BSN: variants seen among roughly 807,000 people sequenced by gnomAD.
BSN encodes protein bassoon.
BSN carries 57 observed loss-of-function variants against 264.8 expected under a neutral mutation model. The observed-to-expected ratio is 0.22, with a 90% CI of 0.17 to 0.27. The LOEUF (loss-of-function observed/expected upper bound fraction) is 0.27. Among genes scored for constraint, BSN ranks in the 10% least tolerant of loss-of-function variants. BSN has a pLI of 1.00. For missense variants in BSN, 4,615 were observed against 5,232.5 expected (o/e 0.88, Z 3.64); for synonymous variants, 2,059 against 2,137.3 (o/e 0.96, Z 1.01).
chr3:49,632,522 G>A (rs901288077), intron 2 of BSN, among the ~76,000 whole-genome samples: 2 of 152,154 alleles, frequency 1.3e-5, no homozygotes, highest in Admixed American at 6.5e-5. Context: ...TGGGCAAAGA[G>A]GCCAGGCGCA....
intron 2 of BSN, chr3:49,641,577 A>G (rs901194174): frequency 1.3e-5 from 2 of 152,218 alleles, no homozygotes; most frequent in African/African-American, 4.8e-5. Flanking sequence ...CTTAAGGGAA[A>G]AAAAAAGGCT....
rs1407751442 is a variant in BSN, at chr3:49,638,690, C to T, written c.634-3578C>T. ...GAGAAGTTCTATTTTAGGTGAGATG[C>T]CTGTGCCACAGCCTGGATGACAGGG... On this transcript the variant is annotated intron_variant, in intron 2 of 11. Coordinates refer to ENST00000296452, the MANE Select transcript of BSN (RefSeq NM_003458.4). This position sits in a 1 kb window ranked among gnomAD's most constrained non-coding sequence, Gnocchi z 4.3. Among the ~76,000 whole-genome samples the T allele has an allele frequency of 1.3e-5, 2 of 152,320 alleles. No homozygotes were observed. The highest frequency in any genetic ancestry group is 4.8e-5 in the African/African-American group (2 of 41,572).
intron 1 of BSN, among the ~76,000 whole-genome samples, chr3:49,561,086 T>C (rs2051708024): frequency 6.6e-6 from 1 of 152,164 alleles, no homozygotes; most frequent in African/African-American, 2.4e-5. Context: ...CCTACTTCTT[T>C]CTAACAAGAG....
At chr3:49,577,949 A>G (rs2051859300) in intron 1 of BSN, among the ~76,000 whole-genome samples, 1 of 152,186 alleles carries the variant, frequency 6.6e-6, no homozygotes, top group African/African-American at 2.4e-5. Flanking sequence ...TGCTACATAG[A>G]GTGAGCTGAG....
chr3:49,603,616 G>A (rs13100791), intron 1 of BSN, among the ~76,000 whole-genome samples: 6,677 of 152,290 alleles, frequency 0.044, 222 homozygotes, highest in Non-Finnish European at 0.06. Context: ...CTACCTCATG[G>A]TAGGAACAAG....
Position 49,652,639 on chromosome 3 carries a change from G to C in BSN, c.3083G>C (p.Arg1028Pro). 1 of 1,609,070 alleles carries C rather than the reference G, an allele frequency of 6.2e-7. No individual in the cohort carries two copies. ...AAGCAGCAGCGCAAGGCCCGGCACC[G>C]CTCCCACGGGCCCCTGCTACCCACC... Reference protein sequence around the residue: ...EAKQQRKARHRSHGPLLPTIE... With the variant: ...EAKQQRKARHPSHGPLLPTIE... The change falls in exon 5 of 12, where the codon CGC becomes CCC. Residue 1028 changes from arginine (R) to proline (P), a missense_variant. Around this residue, in one of 3 missense-constraint regions of BSN, gnomAD observed 1,197 missense variants for 1,348.0 expected, o/e 0.89. Coordinates refer to ENST00000296452, the MANE Select transcript of BSN (RefSeq NM_003458.4).
intron 1 of BSN, among the ~76,000 whole-genome samples, chr3:49,611,489 C>A (rs1238042139): frequency 6.6e-6 from 1 of 152,178 alleles, no homozygotes; most frequent in Middle Eastern, 3.2e-3. Flanking sequence ...TGCATCAGAA[C>A]TCCTGGGCTA....
In BSN at chr3:49,603,075, G is replaced by A. The variant is rs557038676; in HGVS notation, c.225-21900G>A. The stretch of plus-strand genomic sequence containing the variant: ...CTTGGCCATACCTGCCTCTCACTGG[G>A]CAGCTGGGGCCTGGTCTTCCACATC... On this transcript the variant is annotated intron_variant, in intron 1 of 11. Transcript: ENST00000296452. 2.0e-5 allele frequency among the ~76,000 whole-genome samples: 3 copies of A among 152,188 alleles called. No homozygotes were observed. In the South Asian group the frequency reaches 6.2e-4, roughly 32 times the overall value.
intron 1 of BSN, among the ~76,000 whole-genome samples, chr3:49,564,861 T>C (rs1213187657): frequency 6.6e-6 from 1 of 152,152 alleles, no homozygotes; most frequent in Non-Finnish European, 1.5e-5. Context: ...TGCAGATTTG[T>C]CCTTTCCTGG....
rs372680177 is a variant in BSN, at chr3:49,607,437, G to A, written c.225-17538G>A. The stretch of plus-strand genomic sequence containing the variant: ...CTCAGAGCACTTGCCCTTCTCTTTG[G>A]GAGCAGGACTGCTTGGCAGTATATT... On this transcript the variant is annotated intron_variant, in intron 1 of 11. Coordinates refer to ENST00000296452, the MANE Select transcript of BSN (RefSeq NM_003458.4). Among the ~76,000 whole-genome samples, 19 of 152,284 alleles carry A rather than the reference G, an allele frequency of 1.2e-4. No individual in the cohort carries two copies. The East Asian group carries it at 2.1e-3, about 17-fold the overall frequency.
At chr3:49,627,489 T>A (rs1042500115) in intron 2 of BSN, among the ~76,000 whole-genome samples, 4 of 152,242 alleles carry the variant, frequency 2.6e-5, no homozygotes, top group Admixed American at 1.3e-4. Flanking sequence ...AGTTGCTCTT[T>A]GTCACTTTGC....
At chr3:49,569,262 A>G (rs761419035) in intron 1 of BSN, among the ~76,000 whole-genome samples, 2 of 152,194 alleles carry the variant, frequency 1.3e-5, no homozygotes, top group Non-Finnish European at 2.9e-5. Flanking sequence ...AAGTGCTTTA[A>G]TATTAATGCC....
At chr3:49,636,623 GCCTCCACTCCCCAGATCCTGAC>G (rs1487170989) in intron 2 of BSN, among the ~76,000 whole-genome samples, 1 of 152,220 alleles carries the variant, frequency 6.6e-6, no homozygotes, top group East Asian at 1.9e-4. Flanking sequence ...ATTAGGTTCA[GCCTCCACTCCCCAGATCCTGAC>G]CTCAGATGTT....
At chr3:49,572,681 C>G (rs2051806786) in intron 1 of BSN, among the ~76,000 whole-genome samples, 1 of 152,148 alleles carries the variant, frequency 6.6e-6, no homozygotes, top group Non-Finnish European at 1.5e-5. Context: ...CTACAGTCAC[C>G]CGCCACCACG....
At chr3:49,608,828 G>A (rs1306184543) in intron 1 of BSN, among the ~76,000 whole-genome samples, 2 of 142,680 alleles carry the variant, frequency 1.4e-5, no homozygotes, top group African/African-American at 5.1e-5. Flanking sequence ...ACTCCGTCTC[G>A]GGAAAAAAAA....
chr3:49,571,283 G>T (rs999386379), intron 1 of BSN, among the ~76,000 whole-genome samples: 1 of 152,142 alleles, frequency 6.6e-6, no homozygotes, highest in East Asian at 1.9e-4. Flanking sequence ...TCAGGGGCAG[G>T]ACAGGGAAGA....
chr3:49,643,201 G>A, intron 3 of BSN, 49 bp downstream of exon 3: 2 of 1,553,056 alleles, frequency 1.3e-6, no homozygotes, highest in Admixed American at 1.8e-5. Flanking sequence ...GAGAGGCCGG[G>A]CCTGGGTAGT....
intron 1 of BSN, among the ~76,000 whole-genome samples, chr3:49,557,022 C>T (rs1206289204): frequency 4.6e-5 from 7 of 152,200 alleles, no homozygotes; most frequent in Admixed American, 3.3e-4. Flanking sequence ...TTTTCATCCT[C>T]ATACTGAGCT....
At chr3:49,667,459 G>GT (rs2108103507) in intron 11 of BSN, 131 bp from the exon 12 acceptor site, 1 of 152,780 alleles carries the variant, frequency 6.5e-6, no homozygotes, top group Middle Eastern at 3.4e-3. Context: ...CACCCCGTGG[G>GT]TGAGGAGGTG....
Sources: gnomAD v4.1 joint callset for allele counts (sites outside exome capture counted in the v4.1 genomes callset) on GRCh38, gnomAD v4.1.1 for gene constraint, gnomAD v4.1.1 regional missense constraint, Gnocchi (gnomAD v3.1) non-coding constraint, MANE v1.5 for transcripts, NCBI Gene and HGNC (gene_info 2026-07-23, HGNC 2026-07-21) for gene names.